The following NALF1 variants were observed in gnomAD, a reference collection of about 807,000 sequenced individuals.
The protein encoded by NALF1 is NALCN channel auxiliary factor 1.
Under a neutral mutation model 48.4 loss-of-function variants are expected in NALF1, and 3 were observed. The observed-to-expected ratio is 0.06, with a 90% CI of 0.03 to 0.16. The LOEUF (loss-of-function observed/expected upper bound fraction) is 0.16. Ranked by LOEUF, NALF1 falls within the 10% of genes least tolerant of loss-of-function variation. The pLI is 1.00. For synonymous variants in NALF1, 262 were observed against 245.7 expected (o/e 1.07, Z -0.62); for missense variants, 526 against 571.5 (o/e 0.92, Z 0.81).
In NALF1 at chr13:107,582,932, C is replaced by T. The variant is rs544253200; in HGVS notation, c.915+282750G>A. On this transcript the variant is annotated intron_variant, in intron 1 of 2. Coordinates refer to ENST00000375915, the MANE Select transcript of NALF1 (RefSeq NM_001080396.3). The stretch of plus-strand genomic sequence containing the variant: ...CACCTGGGTTTTGCTGTTGAGAAAT[C>T]CAAAGCCATTCTGACCTCTGATTCC... Among the ~76,000 whole-genome samples the T allele has an allele frequency of 2.0e-5, 3 of 152,272 alleles. No individual in the cohort carries two copies. In the East Asian group the frequency reaches 5.8e-4, roughly 29 times the overall value.
chr13:107,736,219 ACACACGCGCG>A (rs1268061528), intron 1 of NALF1, among the ~76,000 whole-genome samples: 6 of 34,756 alleles, frequency 1.7e-4, no homozygotes, highest in East Asian at 1.1e-3. Context: ...ACACACACAC[ACACACGCGCG>A]CGTGTACCTA....
At chr13:107,763,050 T>C (rs532667216) in intron 1 of NALF1, among the ~76,000 whole-genome samples, 23 of 151,964 alleles carry the variant, frequency 1.5e-4, no homozygotes, top group African/African-American at 5.3e-4. Context: ...CCTTTTTTTT[T>C]TTCTAGTGGG....
intron 1 of NALF1, among the ~76,000 whole-genome samples, chr13:107,843,236 C>A (rs1309852603): frequency 6.6e-6 from 1 of 152,098 alleles, no homozygotes; most frequent in Non-Finnish European, 1.5e-5. Flanking sequence ...TACAACAATG[C>A]CAAGAGGTAG....
At chr13:107,282,428 G>T (rs2138874001) in intron 1 of NALF1, among the ~76,000 whole-genome samples, 1 of 152,286 alleles carries the variant, frequency 6.6e-6, no homozygotes, top group Non-Finnish European at 1.5e-5. Flanking sequence ...AGGGAGAATT[G>T]GTGAACCTGT....
intron 1 of NALF1, among the ~76,000 whole-genome samples, chr13:107,524,690 G>A (rs1372565802): frequency 6.6e-6 from 1 of 152,188 alleles, no homozygotes; most frequent in East Asian, 1.9e-4. Context: ...TTGGTACAGA[G>A]ATAGTAACTC....
intron 1 of NALF1, among the ~76,000 whole-genome samples, chr13:107,759,398 C>T (rs1041711856): frequency 3.9e-5 from 6 of 152,066 alleles, no homozygotes; most frequent in African/African-American, 9.7e-5. Context: ...TTAGTAGAGG[C>T]GGGGTTTCAC....
chr13:107,576,413 A>C (rs1323567440), intron 1 of NALF1, among the ~76,000 whole-genome samples: 1 of 152,162 alleles, frequency 6.6e-6, no homozygotes, highest in Admixed American at 6.6e-5. Context: ...CTTTGCTTGG[A>C]CTAAGTTTAT....
chr13:107,526,907 A>T (rs546370610), intron 1 of NALF1, among the ~76,000 whole-genome samples: 2 of 152,280 alleles, frequency 1.3e-5, no homozygotes, highest in Admixed American at 6.5e-5. Flanking sequence ...TTTGTCTACT[A>T]ATGACAGGAT....
At chr13:107,490,415 A>C (rs1480539024) in intron 1 of NALF1, among the ~76,000 whole-genome samples, 1 of 152,174 alleles carries the variant, frequency 6.6e-6, no homozygotes, top group Non-Finnish European at 1.5e-5. Flanking sequence ...TTTTGCAGGG[A>C]TATGGATGGA....
intron 1 of NALF1, among the ~76,000 whole-genome samples, chr13:107,669,622 C>G (rs1880944236): frequency 6.6e-6 from 1 of 152,082 alleles, no homozygotes; most frequent in East Asian, 1.9e-4. Context: ...AAAGGTTCAC[C>G]AACACAACCA....
intron 1 of NALF1, among the ~76,000 whole-genome samples, chr13:107,283,785 G>C (rs1380840944): frequency 6.6e-6 from 1 of 151,744 alleles, no homozygotes; most frequent in African/African-American, 2.4e-5. Flanking sequence ...TCAGCCTCCT[G>C]AGTAGCTCGG....
At chr13:107,574,076 C>T (rs1329570989) in intron 1 of NALF1, among the ~76,000 whole-genome samples, 1 of 151,998 alleles carries the variant, frequency 6.6e-6, no homozygotes, top group African/African-American at 2.4e-5. Context: ...ATTTAGGTCC[C>T]CAGTGTAAGA....
At chr13:107,350,722 T>C (rs891942626) in intron 1 of NALF1, among the ~76,000 whole-genome samples, 5 of 152,202 alleles carry the variant, frequency 3.3e-5, no homozygotes, top group Admixed American at 1.3e-4. Flanking sequence ...ATTTTGATTG[T>C]GGATTTTTAG....
chr13:107,176,438 C>G (rs951616852), intron 2 of NALF1, among the ~76,000 whole-genome samples: 1 of 150,282 alleles, frequency 6.7e-6, no homozygotes, highest in African/African-American at 2.4e-5. Flanking sequence ...GTCAGGAGAT[C>G]GAGACCATCC....
intron 1 of NALF1, 88 bp from the exon 2 acceptor site, chr13:107,210,843 G>A (rs1879746199): frequency 1.2e-6 from 1 of 845,332 alleles, no homozygotes; most frequent in African/African-American, 1.7e-5. Flanking sequence ...AGCGTGCTGT[G>A]GTTTCAAGTG....
At chr13:107,787,235 G>A (rs774196703) in intron 1 of NALF1, among the ~76,000 whole-genome samples, 1 of 152,024 alleles carries the variant, frequency 6.6e-6, no homozygotes, top group Admixed American at 6.5e-5. Context: ...TTCTTATGTT[G>A]ATGAGAAATC....
At chr13:107,744,119 C>T (rs919475053) in intron 1 of NALF1, among the ~76,000 whole-genome samples, 2 of 152,136 alleles carry the variant, frequency 1.3e-5, no homozygotes, top group South Asian at 4.1e-4. Flanking sequence ...AAGAAAGAGA[C>T]TATAAAAATC....
chr13:107,186,041 C>A (rs1044701092), intron 2 of NALF1, among the ~76,000 whole-genome samples: 3 of 152,176 alleles, frequency 2.0e-5, no homozygotes, highest in Non-Finnish European at 4.4e-5. Flanking sequence ...TGCCATCCTG[C>A]TCCATTTTGG....
intron 1 of NALF1, among the ~76,000 whole-genome samples, chr13:107,637,695 T>C (rs1032809328): frequency 5.9e-5 from 9 of 152,120 alleles, no homozygotes; most frequent in Admixed American, 2.0e-4. Context: ...CCAACCCATG[T>C]TGGAACCAAA....
Sources: allele counts gnomAD v4.1 joint callset (sites outside exome capture counted in the v4.1 genomes callset), GRCh38; gene constraint gnomAD v4.1.1; transcripts MANE v1.5; gene names NCBI Gene and HGNC (gene_info 2026-07-23, HGNC 2026-07-21).